The following HIF1A variants were observed in gnomAD, a reference collection of about 807,000 sequenced individuals.
HIF1A encodes the protein hypoxia-inducible factor 1-alpha.
HIF1A carries 24 observed loss-of-function variants against 92.7 expected under a neutral mutation model. The ratio of observed to expected loss-of-function variants is 0.26; its 90% CI spans 0.19 to 0.36. The LOEUF is 0.36. Ranked by LOEUF, HIF1A falls within the 10% of genes least tolerant of loss-of-function variation. The pLI is 1.00. For missense variants in HIF1A, 799 were observed against 998.5 expected (o/e 0.80, Z 2.69); for synonymous variants, 319 against 338.7 (o/e 0.94, Z 0.64).
chr14:61,744,966 A>C (rs2044760581), intron 13 of HIF1A, among the ~76,000 whole-genome samples, 153 bp downstream of exon 13: 1 of 151,882 alleles, frequency 6.6e-6, no homozygotes, highest in South Asian at 2.1e-4. Context: ...CTCTGTATGC[A>C]CTGGTTTTTA....
At chr14:61,721,912 T>C (rs974024681) in intron 4 of HIF1A, 89 bp downstream of exon 4, 1 of 836,312 alleles carries the variant, frequency 1.2e-6, no homozygotes, top group Non-Finnish European at 2.0e-6. Context: ...GCTATTGTAC[T>C]TACCCAAGGC....
chr14:61,748,062 A>T lies in HIF1A; in HGVS notation c.*977A>T, dbSNP rs1408971422. 2.0e-5 allele frequency: 3 copies of T among 152,510 alleles called. No homozygotes were observed. The highest frequency in any genetic ancestry group is 4.4e-5 in the Non-Finnish European group (3 of 67,954). The allele number at this position is 152,510 out of a possible 1,614,324, so 9.4% of individuals were successfully genotyped here. A position where few individuals can be genotyped will look rare whatever the true frequency, so the allele number is the denominator to read the frequency against. On this transcript the variant is annotated 3_prime_UTR_variant, in exon 15 of 15. Transcript: ENST00000337138. ...TTTTATGCACTTTGTCGCTATTAAC[A>T]TCCTTTTTTTCATGTAGATTTCAAT...
chr14:61,710,282 C>A (rs186318288), intron 1 of HIF1A, among the ~76,000 whole-genome samples: 18 of 152,028 alleles, frequency 1.2e-4, no homozygotes, highest in African/African-American at 4.1e-4. Context: ...AGGGATTGAC[C>A]CTGGTAAAAT....
intron 1 of HIF1A, among the ~76,000 whole-genome samples, chr14:61,704,056 C>T (rs888153281): frequency 6.6e-6 from 1 of 152,064 alleles, no homozygotes; most frequent in Admixed American, 6.5e-5. Flanking sequence ...ACACAAATTG[C>T]TTTATTGGGA....
At chr14:61,714,491 G>C (rs946026681) in intron 1 of HIF1A, among the ~76,000 whole-genome samples, 3 of 152,102 alleles carry the variant, frequency 2.0e-5, no homozygotes, top group African/African-American at 7.2e-5. Flanking sequence ...AAACCTTGAG[G>C]ATTAGACCTT....
At position 61,727,412 on chromosome 14, in the gene HIF1A, T is replaced by C. The variant is rs559592279; in HGVS notation, c.571-41T>C. The C allele has an allele frequency of 5.2e-5, 74 of 1,434,168 alleles. 1 individual carries two copies. The South Asian group carries it at 7.6e-4, about 15-fold the overall frequency. The allele number at this position is 1,434,168 out of a possible 1,614,324, so 88.8% of individuals were successfully genotyped here. A position where few individuals can be genotyped will look rare whatever the true frequency, so the allele number is the denominator to read the frequency against. Reference sequence around the variant, plus strand: ...ATCTCTGCTTTTTTTTTCCCTAGCATTGTAAATATTTTTTTTAACTGCTTT... The same window carrying C: ...ATCTCTGCTTTTTTTTTCCCTAGCACTGTAAATATTTTTTTTAACTGCTTT... On this transcript the variant is annotated intron_variant, in intron 5 of 14. Coordinates refer to ENST00000337138, the MANE Select transcript of HIF1A (RefSeq NM_001530.4).
chr14:61,722,150 A>T (rs1001308526), intron 4 of HIF1A, among the ~76,000 whole-genome samples: 2 of 151,510 alleles, frequency 1.3e-5, no homozygotes, highest in African/African-American at 4.8e-5. Flanking sequence ...CAGTGGCACA[A>T]TCAGCTGACT....
At chr14:61,744,873 G>C in intron 13 of HIF1A, 60 bp downstream of exon 13, 1 of 632,632 alleles carries the variant, frequency 1.6e-6, no homozygotes, top group Non-Finnish European at 2.8e-6. Context: ...GTGTGTGTGT[G>C]TGTGTGTGTG....
Position 61,719,912 on chromosome 14 carries a change from A to G in HIF1A, c.36-470A>G, listed in dbSNP as rs750797175. Among the ~76,000 whole-genome samples the G allele has an allele frequency of 3.9e-5, 6 of 152,170 alleles. No individual in the cohort carries two copies. The South Asian group carries it at 1.2e-3, about 32-fold the overall frequency. Reference sequence around the variant, plus strand: ...ACTGGAGTCTAAAGAAACAAGTAGAAATCAGTTTGTAGCTATTACCGTTCT... The same window carrying G: ...ACTGGAGTCTAAAGAAACAAGTAGAGATCAGTTTGTAGCTATTACCGTTCT... On this transcript the variant is annotated intron_variant, in intron 1 of 14. Transcript: ENST00000337138.
chr14:61,707,485 T>C (rs2044253330), intron 1 of HIF1A, among the ~76,000 whole-genome samples: 1 of 146,412 alleles, frequency 6.8e-6, no homozygotes, highest in South Asian at 2.3e-4. Context: ...GGCCCCGGCG[T>C]GTGATGTTCC....
Position 61,747,396 on chromosome 14 carries a change from G to A in HIF1A, c.*311G>A, listed in dbSNP as rs763243537. The A allele has an allele frequency of 8.3e-5, 15 of 180,964 alleles. No homozygotes were observed. Among genetic ancestry groups the A allele is most frequent in the African/African-American group, 1.2e-4 (5 of 42,446 alleles). The allele number at this position is 180,964 out of a possible 1,614,324, so 11.2% of individuals were successfully genotyped here. A position where few individuals can be genotyped will look rare whatever the true frequency, so the allele number is the denominator to read the frequency against. On this transcript the variant is annotated 3_prime_UTR_variant, in exon 15 of 15. Transcript: ENST00000337138. The stretch of plus-strand genomic sequence containing the variant: ...TGGCTAGGGAGTTTATCCCTTTTTC[G>A]AATTATTTTTAAGAAGATGCCAATA...
intron 10 of HIF1A, among the ~76,000 whole-genome samples, chr14:61,739,119 C>G (rs1169063164): frequency 6.6e-6 from 1 of 152,122 alleles, no homozygotes; most frequent in African/African-American, 2.4e-5. Flanking sequence ...GGGAAAGGAC[C>G]TTATAAATTC....
At chr14:61,741,391 C>T (rs1439080535) in intron 12 of HIF1A, among the ~76,000 whole-genome samples, 2 of 137,316 alleles carry the variant, frequency 1.5e-5, no homozygotes, top group African/African-American at 2.7e-5. Flanking sequence ...GACAGAGTCT[C>T]GCTTTGTCGC....
intron 1 of HIF1A, among the ~76,000 whole-genome samples, chr14:61,719,357 A>G (rs1488599091): frequency 1.3e-5 from 2 of 152,218 alleles, no homozygotes; most frequent in Non-Finnish European, 2.9e-5. Context: ...GTGGAAGAGC[A>G]AAGACTTTAA....
At chr14:61,738,435 T>C in intron 10 of HIF1A, 62 bp downstream of exon 10, 1 of 1,378,844 alleles carries the variant, frequency 7.3e-7, no homozygotes, top group Non-Finnish European at 9.9e-7. Context: ...AAGAATGTAT[T>C]TATAAGTTTG....
chr14:61,741,092 C>G lies in HIF1A; in HGVS notation c.1997C>G (p.Thr666Arg). 1 of 1,613,864 alleles carries G rather than the reference C, an allele frequency of 6.2e-7. No individual in the cohort carries two copies. The change falls in exon 12 of 15, where the codon ACA (threonine) becomes AGA (arginine). Residue 666 changes from threonine to arginine, a missense_variant. Physicochemically the swap from Thr to Arg is moderately conservative, Grantham distance 71. Coordinates refer to ENST00000337138, the MANE Select transcript of HIF1A (RefSeq NM_001530.4). ...SSPYRDTQSR[T>R]ASPNRAGKGV... ...CCATATAGAGATACTCAAAGTCGGA[C>G]AGCCTCACCAAACAGAGCAGGAAAA... is the stretch of plus-strand genomic sequence containing the variant.
chr14:61,735,939 C>T lies in HIF1A; in HGVS notation c.1029-950C>T, dbSNP rs530569388. ...TTGGTGTCTTTCATGTACTTGACTA[C>T]AAATTGCCTTGCCATTACTACTCTT... On this transcript the variant is annotated intron_variant, in intron 8 of 14. Coordinates refer to ENST00000337138, the MANE Select transcript of HIF1A (RefSeq NM_001530.4). 2.7e-3 allele frequency among the ~76,000 whole-genome samples: 409 copies of T among 152,080 alleles called. 4 individuals carry two copies. Among genetic ancestry groups the T allele is most frequent in the African/African-American group, 9.1e-3 (378 of 41,504 alleles).
At chr14:61,735,672 A>G (rs1363809584) in intron 8 of HIF1A, among the ~76,000 whole-genome samples, 4 of 152,258 alleles carry the variant, frequency 2.6e-5, no homozygotes, top group African/African-American at 9.6e-5. Flanking sequence ...GGAATAATTT[A>G]CATTTAAGCC....
intron 6 of HIF1A, among the ~76,000 whole-genome samples, chr14:61,728,181 A>G (rs1160508828): frequency 2.0e-5 from 3 of 152,242 alleles, no homozygotes. Context: ...GGTGCTATCC[A>G]GAAGTTAAGA....
Sources: allele counts gnomAD v4.1 joint callset (sites outside exome capture counted in the v4.1 genomes callset), GRCh38; gene constraint gnomAD v4.1.1; transcripts MANE v1.5; gene names NCBI Gene and HGNC (gene_info 2026-07-23, HGNC 2026-07-21).